The following GDPD4 variants were observed in gnomAD, a reference collection of about 807,000 sequenced individuals.
GDPD4 encodes glycerophosphodiester phosphodiesterase 6.
Under a neutral mutation model 67.8 loss-of-function variants are expected in GDPD4, and 60 were observed. The observed-to-expected ratio is 0.88, with a 90% CI of 0.72 to 1.10. The LOEUF (loss-of-function observed/expected upper bound fraction) is 1.10, where lower values mean the gene tolerates loss of function less well. GDPD4 is among the 50% of genes least tolerant of loss of function. The pLI, the probability that GDPD4 is intolerant of heterozygous loss-of-function variation, is 0.00. For missense variants in GDPD4, 623 were observed against 613.9 expected, an observed-to-expected ratio of 1.01 and a Z score of -0.16; for synonymous variants, 212 against 210.9, an observed-to-expected ratio of 1.00 and a Z score of -0.04.
At chr11:77,300,644 T>G (rs1376464692) in intron 1 of GDPD4, among the ~76,000 whole-genome samples, 2 of 152,088 alleles carry the variant, frequency 1.3e-5, no homozygotes, top group Non-Finnish European at 2.9e-5. Flanking sequence ...AAATGCAGAG[T>G]GTACTTTAAA....
rs770280041 is a variant in GDPD4, at chr11:77,258,516, T to G, written c.734A>C (p.His245Pro). Residue 245 changes from histidine to proline, a missense_variant, in exon 11 of 17, where the codon CAT becomes CCT. His to Pro is a moderately conservative substitution (Grantham distance 77). Coordinates refer to ENST00000315938, the MANE Select transcript of GDPD4 (RefSeq NM_182833.3). ...LSYDHVPFLMHDFDLKRTTNI... is the reference protein window; with the variant it reads ...LSYDHVPFLMPDFDLKRTTNI... ...GGTTGTTCTTTTCAGGTCAAAGTCA[T>G]GCATGAGGAAAGGCACATGATCATA... 1 of 1,613,922 alleles carries G rather than the reference T, an allele frequency of 6.2e-7. No individual in the cohort carries two copies. The highest frequency in any genetic ancestry group is 1.7e-5 in the Admixed American group (1 of 60,004).
At chr11:77,235,032 T>TTTTTTTTTTTTTTC (rs1958532016) in intron 13 of GDPD4, among the ~76,000 whole-genome samples, 1 of 140,334 alleles carries the variant, frequency 7.1e-6, no homozygotes, top group African/African-American at 2.7e-5. Flanking sequence ...TTTTTTTTTT[T>TTTTTTTTTTTTTTC]TTTTTGACTT....
chr11:77,229,001 T>G (rs1958401793), intron 15 of GDPD4, 149 bp downstream of exon 15: 1 of 542,480 alleles, frequency 1.8e-6, no homozygotes, highest in African/African-American at 1.9e-5. Flanking sequence ...TGTGAGGAAC[T>G]GCAGACTACA....
intron 8 of GDPD4, 143 bp downstream of exon 8, chr11:77,269,738 TAC>T: frequency 1.9e-6 from 1 of 539,662 alleles, no homozygotes; most frequent in Non-Finnish European, 3.3e-6. Flanking sequence ...CACATTCACA[TAC>T]AGAGCCTGTA....
At chr11:77,229,116 G>GA (rs1331170721) in intron 15 of GDPD4, 34 bp downstream of exon 15, 3 of 1,050,568 alleles carry the variant, frequency 2.9e-6, no homozygotes, top group East Asian at 2.7e-5. Context: ...ATTTATTTTG[G>GA]AAAAAATTCA....
intron 16 of GDPD4, among the ~76,000 whole-genome samples, chr11:77,223,370 TTGGTTA>T (rs934215307): frequency 3.8e-4 from 58 of 152,146 alleles, no homozygotes; most frequent in Non-Finnish European, 2.4e-4. Context: ...AGATGGGGTT[TTGGTTA>T]TGGATGTCCT....
intron 16 of GDPD4, among the ~76,000 whole-genome samples, chr11:77,223,520 A>C (rs762749345): frequency 4.6e-5 from 7 of 152,184 alleles, no homozygotes; most frequent in Non-Finnish European, 7.3e-5. Flanking sequence ...TCACCAGCAG[A>C]GGCTGCAGAA....
intron 1 of GDPD4, among the ~76,000 whole-genome samples, chr11:77,295,605 T>C (rs1283792776): frequency 7.2e-5 from 11 of 152,114 alleles, no homozygotes; most frequent in African/African-American, 2.4e-4. Flanking sequence ...TACTCCATTC[T>C]GGGTGACAGA....
intron 14 of GDPD4, 109 bp from the exon 15 acceptor site, chr11:77,229,341 G>A: frequency 1.6e-6 from 1 of 632,888 alleles, no homozygotes; most frequent in South Asian, 2.3e-5. Flanking sequence ...AGAGGAAGAG[G>A]GGATAGACAG....
At chr11:77,249,722 TGA>T (rs546467392) in intron 11 of GDPD4, among the ~76,000 whole-genome samples, 221 of 152,316 alleles carry the variant, frequency 1.5e-3, no homozygotes, top group Non-Finnish European at 8.5e-4. Context: ...TGGACAAGTC[TGA>T]GAGTTAAAAA....
At chr11:77,243,918 TGGAG>T in intron 12 of GDPD4, 70 bp from the exon 13 acceptor site, 20 of 1,052,554 alleles carry the variant, frequency 1.9e-5, no homozygotes, top group Non-Finnish European at 2.6e-5. Context: ...CCATAGAGAA[TGGAG>T]GGAGCTCCAT....
intron 16 of GDPD4, among the ~76,000 whole-genome samples, chr11:77,225,977 C>A (rs918509452): frequency 2.0e-5 from 3 of 152,134 alleles, no homozygotes; most frequent in Non-Finnish European, 2.9e-5. Flanking sequence ...CTTTCCAATG[C>A]CTTTTCTTTC....
chr11:77,219,133 C>G (rs4944152), intron 16 of GDPD4, among the ~76,000 whole-genome samples: 138,367 of 152,256 alleles, frequency 0.91, 63,170 homozygotes, highest in Non-Finnish European at 0.96. Context: ...GCATTTCTCA[C>G]ATGATCAGTG....
At chr11:77,228,572 G>T (rs1958391317) in intron 15 of GDPD4, among the ~76,000 whole-genome samples, 1 of 150,244 alleles carries the variant, frequency 6.7e-6, no homozygotes, top group South Asian at 2.1e-4. Flanking sequence ...CAGCTACTCG[G>T]GAGGCTGAGG....
At chr11:77,284,097 G>A (rs1959883547) in intron 3 of GDPD4, among the ~76,000 whole-genome samples, 1 of 151,900 alleles carries the variant, frequency 6.6e-6, no homozygotes, top group Non-Finnish European at 1.5e-5. Context: ...ATCTATTCTA[G>A]GAACATTAGT....
chr11:77,226,362 G>A (rs1047925059), intron 16 of GDPD4, among the ~76,000 whole-genome samples: 1 of 152,090 alleles, frequency 6.6e-6, no homozygotes, highest in African/African-American at 2.4e-5. Flanking sequence ...GTTAAATGAA[G>A]CCATAAGGGT....
chr11:77,300,306 A>C (rs973460067), intron 1 of GDPD4, among the ~76,000 whole-genome samples: 1 of 152,208 alleles, frequency 6.6e-6, no homozygotes, highest in African/African-American at 2.4e-5. Context: ...TGTCAGGAAT[A>C]AGAACCCCTT....
intron 3 of GDPD4, among the ~76,000 whole-genome samples, chr11:77,283,102 G>A (rs534707369): frequency 2.0e-5 from 3 of 152,310 alleles, no homozygotes; most frequent in South Asian, 2.1e-4. Context: ...CCTGGCAGAC[G>A]AAGATCACAA....
In GDPD4 at chr11:77,290,545, G is replaced by GA. The variant is rs200657845; in HGVS notation, c.-253-3126dup. ...CATTGGTCAATGAAGAAATTAAGAA[G>GA]AAAAAAAAATTATTGAAACAAATGA... On this transcript the variant is annotated intron_variant, in intron 1 of 16. Transcript: ENST00000315938. Among the ~76,000 whole-genome samples the GA allele has an allele frequency of 9.1e-4, 137 of 150,588 alleles. 1 individual carries two copies. The South Asian group carries it at 0.01, about 12-fold the overall frequency.
Sources: gnomAD v4.1 joint callset for allele counts (sites outside exome capture counted in the v4.1 genomes callset) on GRCh38, gnomAD v4.1.1 for gene constraint, MANE v1.5 for transcripts, NCBI Gene and HGNC (gene_info 2026-07-23, HGNC 2026-07-21) for gene names.